The following CDH12 variants were observed in gnomAD, a reference collection of about 807,000 sequenced individuals.
The protein encoded by CDH12 is cadherin 12.
In CDH12, 41 loss-of-function variants were observed where a neutral mutation model predicts 74.1. The ratio of observed to expected loss-of-function variants is 0.55; its 90% CI spans 0.43 to 0.72. The LOEUF (loss-of-function observed/expected upper bound fraction) is 0.72. CDH12 is among the 30% of genes least tolerant of loss of function. The probability of loss-of-function intolerance (pLI) is 0.00; values close to 1 mark genes in which losing one functional copy is unlikely to be tolerated. For missense variants in CDH12, 945 were observed against 977.2 expected, an observed-to-expected ratio of 0.97 and a Z score of 0.44; for synonymous variants, 399 against 355.0, an observed-to-expected ratio of 1.12 and a Z score of -1.39.
intron 5 of CDH12, among the ~76,000 whole-genome samples, chr5:22,052,284 T>A (rs1361748476): frequency 6.6e-6 from 1 of 152,090 alleles, no homozygotes; most frequent in African/African-American, 2.4e-5. Context: ...AGAATGGGAG[T>A]TTTGTTGCTG....
intron 2 of CDH12, among the ~76,000 whole-genome samples, chr5:22,502,752 A>G (rs2126658637): frequency 6.6e-6 from 1 of 152,148 alleles, no homozygotes; most frequent in South Asian, 2.1e-4. Flanking sequence ...CACATCCTAT[A>G]AAAGATAAAG....
chr5:21,786,518 A>G (rs1001285914), intron 10 of CDH12, among the ~76,000 whole-genome samples: 50 of 152,140 alleles, frequency 3.3e-4, no homozygotes, highest in African/African-American at 1.2e-3. Flanking sequence ...ATCCTTTCCA[A>G]ATATTACTGC....
chr5:22,257,737 T>C (rs1446761729), intron 3 of CDH12, among the ~76,000 whole-genome samples: 2 of 151,964 alleles, frequency 1.3e-5, no homozygotes, highest in African/African-American at 2.4e-5. Context: ...AGCTCCTGAT[T>C]TGCCTGCCTC....
At chr5:22,331,166 G>T (rs796352471) in intron 3 of CDH12, among the ~76,000 whole-genome samples, 6 of 152,324 alleles carry the variant, frequency 3.9e-5, no homozygotes, top group African/African-American at 1.4e-4. Flanking sequence ...TTGCTAAGTT[G>T]CTTTCTTTTT....
At chr5:22,068,598 A>G (rs4554172) in intron 5 of CDH12, among the ~76,000 whole-genome samples, 5,768 of 152,290 alleles carry the variant, frequency 0.038, 269 homozygotes, top group African/African-American at 0.11. Flanking sequence ...AAGGGACATG[A>G]TTGGAACATT....
At chr5:22,019,130 A>G (rs554856946) in intron 5 of CDH12, among the ~76,000 whole-genome samples, 1 of 152,162 alleles carries the variant, frequency 6.6e-6, no homozygotes, top group Admixed American at 6.5e-5. Context: ...ATTTCTATCT[A>G]TCTAACATCT....
At chr5:22,564,866 T>C (rs746374895) in intron 1 of CDH12, among the ~76,000 whole-genome samples, 18 of 152,206 alleles carry the variant, frequency 1.2e-4, no homozygotes, top group Non-Finnish European at 1.9e-4. Flanking sequence ...GCAAGAAACA[T>C]GGGAGTGCAG....
chr5:22,545,686 T>G (rs1738290701), intron 1 of CDH12, among the ~76,000 whole-genome samples: 2 of 152,198 alleles, frequency 1.3e-5, no homozygotes, highest in African/African-American at 4.8e-5. Flanking sequence ...ATAAATTATC[T>G]CCTTTTGTAC....
intron 6 of CDH12, among the ~76,000 whole-genome samples, chr5:21,860,976 A>G (rs1247266622): frequency 6.6e-6 from 1 of 151,942 alleles, no homozygotes; most frequent in Admixed American, 6.6e-5. Flanking sequence ...CCTGTAGAAA[A>G]CCCTAATACA....
intron 4 of CDH12, among the ~76,000 whole-genome samples, chr5:22,105,474 G>A (rs956239715): frequency 6.7e-6 from 1 of 149,726 alleles, no homozygotes; most frequent in African/African-American, 2.4e-5. Context: ...AAGGAGGGAG[G>A]ATCTCCTGAG....
intron 3 of CDH12, among the ~76,000 whole-genome samples, chr5:22,214,791 A>G (rs888908739): frequency 3.9e-5 from 6 of 152,214 alleles, no homozygotes; most frequent in Admixed American, 6.5e-5. Context: ...CTCCAACTCC[A>G]TGAGACTGCC....
At chr5:22,018,384 T>C (rs1486415846) in intron 5 of CDH12, among the ~76,000 whole-genome samples, 1 of 151,732 alleles carries the variant, frequency 6.6e-6, no homozygotes, top group African/African-American at 2.4e-5. Flanking sequence ...TTATGTGATC[T>C]TTTTTGGATT....
At chr5:22,586,094 T>A (rs1275763711) in intron 1 of CDH12, among the ~76,000 whole-genome samples, 1 of 152,184 alleles carries the variant, frequency 6.6e-6, no homozygotes, top group Admixed American at 6.5e-5. Context: ...CCAACCCAAA[T>A]GTCCAACAAT....
chr5:21,941,184 G>A (rs1755314320), intron 6 of CDH12, among the ~76,000 whole-genome samples: 1 of 151,988 alleles, frequency 6.6e-6, no homozygotes, highest in Non-Finnish European at 1.5e-5. Flanking sequence ...ACTATCTATA[G>A]GTAAAAATTT....
At chr5:21,854,309 G>T (rs917014092) in intron 7 of CDH12, among the ~76,000 whole-genome samples, 2 of 151,542 alleles carry the variant, frequency 1.3e-5, no homozygotes, top group African/African-American at 4.8e-5. Context: ...ACCATGTATT[G>T]TTAAAGCCCA....
At chr5:22,008,997 C>T (rs970525709) in intron 5 of CDH12, among the ~76,000 whole-genome samples, 8 of 152,176 alleles carry the variant, frequency 5.3e-5, no homozygotes, top group African/African-American at 1.4e-4. Flanking sequence ...TTTAGGGGTG[C>T]TAATCTAAGC....
At chr5:22,411,664 A>G (rs1472844489) in intron 2 of CDH12, among the ~76,000 whole-genome samples, 2 of 152,010 alleles carry the variant, frequency 1.3e-5, no homozygotes, top group Admixed American at 6.6e-5. Flanking sequence ...TGAAGAGTGT[A>G]TTTATTTTTT....
At chr5:22,314,632 A>C (rs1738534951) in intron 3 of CDH12, among the ~76,000 whole-genome samples, 1 of 152,192 alleles carries the variant, frequency 6.6e-6, no homozygotes, top group African/African-American at 2.4e-5. Flanking sequence ...ATGGTATGCC[A>C]CGTAAGGTGA....
chr5:22,035,435 C>G lies in CDH12; in HGVS notation c.231+43011G>C, dbSNP rs192895518. 2.2e-4 allele frequency among the ~76,000 whole-genome samples: 34 copies of G among 151,754 alleles called. No homozygotes were observed. The East Asian group carries it at 6.4e-3, about 28-fold the overall frequency. ...CATAATGTTAACTACCGGCATCCAA[C>G]CTTATGGAGAGCAGTAGAGAACAGA... On this transcript the variant is annotated intron_variant, in intron 5 of 14. Coordinates refer to ENST00000382254, the MANE Select transcript of CDH12 (RefSeq NM_004061.5).
Sources: gnomAD v4.1 joint callset for allele counts (sites outside exome capture counted in the v4.1 genomes callset) on GRCh38, gnomAD v4.1.1 for gene constraint, MANE v1.5 for transcripts, NCBI Gene and HGNC (gene_info 2026-07-23, HGNC 2026-07-21) for gene names.